WWOX: variants seen among roughly 807,000 people sequenced by gnomAD.
The protein encoded by WWOX is WW domain containing oxidoreductase.
In WWOX, 69 loss-of-function variants were observed where a neutral mutation model predicts 46.2. The ratio of observed to expected loss-of-function variants is 1.49; its 90% CI spans 1.23 to 1.82. WWOX has a LOEUF of 1.82. Ranked by LOEUF, WWOX falls within the 40% of genes most tolerant of loss-of-function variation. WWOX has a pLI of 0.00. For missense variants in WWOX, 919 were observed against 542.6 expected (o/e 1.69, Z -6.89); for synonymous variants, 359 against 202.6 (o/e 1.77, Z -6.56).
At chr16:78,933,164 C>T (rs1400916556) in intron 8 of WWOX, among the ~76,000 whole-genome samples, 6 of 152,200 alleles carry the variant, frequency 3.9e-5, no homozygotes, top group East Asian at 3.9e-4. Context: ...GTTGGCCTGG[C>T]GTGGTGGCTC....
intron 5 of WWOX, among the ~76,000 whole-genome samples, chr16:78,274,465 T>A (rs1253208349): frequency 6.6e-6 from 1 of 152,194 alleles, no homozygotes; most frequent in Non-Finnish European, 1.5e-5. Flanking sequence ...AATTCCTGAA[T>A]GAGTTAAGCA....
At chr16:78,104,009 T>G (rs1353305456) in intron 1 of WWOX, among the ~76,000 whole-genome samples, 1 of 152,116 alleles carries the variant, frequency 6.6e-6, no homozygotes, top group South Asian at 2.1e-4. Flanking sequence ...GGGCCTTTCT[T>G]CTACCCCTCT....
At chr16:78,451,170 A>G (rs1456913326) in intron 8 of WWOX, among the ~76,000 whole-genome samples, 1 of 151,888 alleles carries the variant, frequency 6.6e-6, no homozygotes, top group Non-Finnish European at 1.5e-5. Flanking sequence ...ATCCAAAGCC[A>G]TTTTTTTTAA....
rs767565166 is a variant in WWOX at position 78,424,940 on chromosome 16, G to C, written c.676G>C (p.Glu226Gln). Residue 226 changes from glutamate (E) to glutamine (Q), a missense_variant, in exon 7 of 9, where the codon GAG (glutamate) becomes CAG (glutamine). Physicochemically the swap from Glu to Gln is conservative, Grantham distance 29. Transcript: ENST00000566780. ...LPWSLTKDGLETTFQVNHLGH... is the reference protein window; with the variant it reads ...LPWSLTKDGLQTTFQVNHLGH... Reference sequence around the variant, plus strand: ...CTGGAGTCTCACCAAAGATGGCCTGGAGACCACCTTTCAAGTGAATCATCT... The same window carrying C: ...CTGGAGTCTCACCAAAGATGGCCTGCAGACCACCTTTCAAGTGAATCATCT... The C allele has an allele frequency of 2.5e-6, 4 of 1,614,128 alleles. No individual in the cohort carries two copies. The highest frequency in any genetic ancestry group is 1.6e-4 in the Middle Eastern group (1 of 6,062).
chr16:78,546,294 C>T (rs1029993024), intron 8 of WWOX, among the ~76,000 whole-genome samples: 4 of 152,046 alleles, frequency 2.6e-5, no homozygotes, highest in Non-Finnish European at 4.4e-5. Flanking sequence ...AGAAGGGGGT[C>T]AGGCAGGAGA....
chr16:78,260,591 C>G (rs978342265), intron 5 of WWOX, among the ~76,000 whole-genome samples: 1 of 150,968 alleles, frequency 6.6e-6, no homozygotes. Flanking sequence ...TCACTTGAAC[C>G]TGGGAGGTGG....
chr16:78,518,019 C>A (rs999944914), intron 8 of WWOX, among the ~76,000 whole-genome samples: 2 of 151,776 alleles, frequency 1.3e-5, no homozygotes, highest in African/African-American at 4.8e-5. Flanking sequence ...TATTCCAGCC[C>A]CCACCTTCCT....
chr16:78,959,956 A>G (rs1415212932), intron 8 of WWOX, among the ~76,000 whole-genome samples: 1 of 152,216 alleles, frequency 6.6e-6, no homozygotes, highest in Non-Finnish European at 1.5e-5. Context: ...AAGGTTGAGA[A>G]TAAAGGGTGT....
intron 8 of WWOX, among the ~76,000 whole-genome samples, chr16:78,494,883 C>T (rs577384193): frequency 1.3e-5 from 2 of 152,066 alleles, no homozygotes; most frequent in East Asian, 1.9e-4. Flanking sequence ...ACAGCCCATT[C>T]GGAGGGTTTT....
intron 8 of WWOX, among the ~76,000 whole-genome samples, chr16:78,852,185 C>G (rs964124442): frequency 6.6e-6 from 1 of 152,136 alleles, no homozygotes; most frequent in African/African-American, 2.4e-5. Flanking sequence ...GGGAGATGAG[C>G]TTCTGTGGTA....
intron 8 of WWOX, among the ~76,000 whole-genome samples, chr16:78,435,241 T>C (rs888387218): frequency 2.6e-5 from 4 of 152,092 alleles, no homozygotes; most frequent in African/African-American, 7.2e-5. Flanking sequence ...TGCAACTCAG[T>C]GAGCACCGTA....
At chr16:78,371,962 G>T (rs769749178) in intron 5 of WWOX, among the ~76,000 whole-genome samples, 3 of 152,204 alleles carry the variant, frequency 2.0e-5, no homozygotes, top group African/African-American at 4.8e-5. Flanking sequence ...TGGGCGCTCA[G>T]TTGAGGCTGG....
chr16:78,581,610 C>T (rs2045055702), intron 8 of WWOX, among the ~76,000 whole-genome samples: 1 of 152,100 alleles, frequency 6.6e-6, no homozygotes, highest in Admixed American at 6.6e-5. Context: ...TGCACTGAAA[C>T]ATGGAATCAA....
At chr16:78,967,605 C>T (rs1191318063) in intron 8 of WWOX, among the ~76,000 whole-genome samples, 2 of 151,696 alleles carry the variant, frequency 1.3e-5, no homozygotes, top group Non-Finnish European at 2.9e-5. Flanking sequence ...ATGCCCAATA[C>T]CCCCTATGTA....
At chr16:79,092,428 A>G (rs765513839) in intron 8 of WWOX, among the ~76,000 whole-genome samples, 6 of 152,120 alleles carry the variant, frequency 3.9e-5, no homozygotes, top group Non-Finnish European at 5.9e-5. Context: ...TTCCAACATG[A>G]TTGGTTCCTC....
intron 8 of WWOX, among the ~76,000 whole-genome samples, chr16:78,666,232 T>G (rs1188033186): frequency 6.6e-6 from 1 of 152,064 alleles, no homozygotes; most frequent in Non-Finnish European, 1.5e-5. Flanking sequence ...GGCTGTATAG[T>G]AAACTGTGAT....
chr16:78,370,117 G>A (rs1465055020), intron 5 of WWOX, among the ~76,000 whole-genome samples: 4 of 96,798 alleles, frequency 4.1e-5, no homozygotes, highest in African/African-American at 1.7e-4. Flanking sequence ...GGGAGACAGA[G>A]CAAGACTGTC....
chr16:78,905,094 T>G (rs2044927761), intron 8 of WWOX, among the ~76,000 whole-genome samples: 1 of 152,138 alleles, frequency 6.6e-6, no homozygotes, highest in Admixed American at 6.5e-5. Context: ...TGGGGTCACT[T>G]AAAACATATT....
At chr16:78,483,553 C>T (rs947080789) in intron 8 of WWOX, among the ~76,000 whole-genome samples, 2 of 151,740 alleles carry the variant, frequency 1.3e-5, no homozygotes, top group Admixed American at 6.6e-5. Context: ...ACCGGCCTTT[C>T]CCAGTGGTGC....
Sources: allele counts gnomAD v4.1 joint callset (sites outside exome capture counted in the v4.1 genomes callset), GRCh38; gene constraint gnomAD v4.1.1; transcripts MANE v1.5; gene names NCBI Gene and HGNC (gene_info 2026-07-23, HGNC 2026-07-21).